Variants in SHISA7 observed in about 807,000 individuals in gnomAD.
SHISA7 encodes the protein protein shisa-7.
In SHISA7, 6 loss-of-function variants were observed where a neutral mutation model predicts 23.9. The observed-to-expected ratio is 0.25, with a 90% confidence interval of 0.14 to 0.50. The LOEUF (loss-of-function observed/expected upper bound fraction) is 0.50. Ranked by LOEUF, SHISA7 falls within the 20% of genes least tolerant of loss-of-function variation. SHISA7 has a pLI of 0.98. For synonymous variants in SHISA7, 386 were observed against 398.3 expected, an observed-to-expected ratio of 0.97 and a Z score of 0.37; for missense variants, 671 against 801.1, an observed-to-expected ratio of 0.84 and a Z score of 1.96.
chr19:55,435,632 C>G (rs1001201568), intron 3 of SHISA7, among the ~76,000 whole-genome samples: 3 of 147,338 alleles, frequency 2.0e-5, no homozygotes, highest in Non-Finnish European at 4.5e-5. Flanking sequence ...AGCATGGTGG[C>G]TCATGCTTAT....
chr19:55,442,652 G>GCGCCCGCCC lies in SHISA7; in HGVS notation c.203_211dup (p.Gly68_Gly70dup), dbSNP rs907758901. ...GGCGGGAGGGGGCGCCCGGGCCGCC[G>GCGCCCGCCC]CGCCCGCCCCGCCCGCGGGGCCGGT... On this transcript the variant is annotated inframe_insertion, in exon 1 of 4. Coordinates refer to ENST00000376325, the MANE Select transcript of SHISA7 (RefSeq NM_001145176.2). The GCGCCCGCCC allele has an allele frequency of 3.1e-5, 41 of 1,309,480 alleles. No homozygotes were observed. The highest frequency in any genetic ancestry group is 7.7e-5 in the East Asian group (2 of 26,004). The allele number at this position is 1,309,480 out of a possible 1,614,324, so 81.1% of individuals were successfully genotyped here.
chr19:55,429,553 G>C lies in SHISA7; in HGVS notation c.*3603C>G, dbSNP rs1985120172. 6.6e-6 allele frequency: 1 copy of C among 152,208 alleles called. No individual in the cohort carries two copies. Among genetic ancestry groups the C allele is most frequent in the Admixed American group, 6.5e-5 (1 of 15,270 alleles). 9.4% of individuals were successfully genotyped at this position (152,208 alleles called of 1,614,324 possible). A position where few individuals can be genotyped will look rare whatever the true frequency, so the allele number is the denominator to read the frequency against. On this transcript the variant is annotated 3_prime_UTR_variant, in exon 4 of 4. Transcript: ENST00000376325. ...GTTGTCTGCCCCAAGCTCCTGACAAGAAGGAGTGTGAGGTGCCAGTGTTTG... is the reference window on the plus strand; with the variant it reads ...GTTGTCTGCCCCAAGCTCCTGACAACAAGGAGTGTGAGGTGCCAGTGTTTG...
At chr19:55,441,058 C>T (rs957964983) in intron 1 of SHISA7, among the ~76,000 whole-genome samples, 3 of 152,170 alleles carry the variant, frequency 2.0e-5, no homozygotes, top group African/African-American at 7.2e-5. Context: ...GGACCCCATT[C>T]CCGTTCCTTT....
At chr19:55,437,446 A>G (rs1985491424) in intron 3 of SHISA7, among the ~76,000 whole-genome samples, 159 bp downstream of exon 3, 1 of 152,184 alleles carries the variant, frequency 6.6e-6, no homozygotes. Flanking sequence ...TGATTCTGAT[A>G]CAAAAGTACC....
chr19:55,434,698 TGTGTGTGGTGTGG>T (rs1599871870), intron 3 of SHISA7, among the ~76,000 whole-genome samples: 1 of 114,592 alleles, frequency 8.7e-6, no homozygotes, highest in Non-Finnish European at 1.8e-5. Flanking sequence ...GTATGGTGCG[TGTGTGTGGTGTGG>T]GTGTGTGGTT....
chr19:55,442,878 G>A lies in SHISA7; in HGVS notation c.-15C>T, dbSNP rs1488390908. 4 of 1,338,150 alleles carry A rather than the reference G, an allele frequency of 3.0e-6. No individual in the cohort carries two copies. Among genetic ancestry groups the A allele is most frequent in the Non-Finnish European group, 3.8e-6 (4 of 1,049,788 alleles). The allele number at this position is 1,338,150 out of a possible 1,614,324, so 82.9% of individuals were successfully genotyped here. On this transcript the variant is annotated 5_prime_UTR_variant, in exon 1 of 4. Transcript: ENST00000376325. ...AGGGCCGGCATGGGGCTTGCAGGGG[G>A]TCGCACTGGGCCGCCAGGCTGCGGG...
At position 55,434,711 on chromosome 19, in the gene SHISA7, GGT is replaced by G. The variant is rs370825765; in HGVS notation, c.977-917_977-916del. ...GTGTATGGTGCGTGTGTGTGGTGTG[GGT>G]GTGTGGTTGTGTGGTGTGTGTGGTG... On this transcript the variant is annotated intron_variant, in intron 3 of 3. Transcript: ENST00000376325. Among the ~76,000 whole-genome samples, 938 of 105,524 alleles carry G rather than the reference GGT, an allele frequency of 8.9e-3. 20 individuals carry two copies. Among genetic ancestry groups the G allele is most frequent in the African/African-American group, 0.031 (815 of 26,342 alleles). The allele number at this position is 105,524 out of a possible 152,430, so 69.2% of individuals were successfully genotyped here.
chr19:55,435,101 TG>T, intron 3 of SHISA7, among the ~76,000 whole-genome samples: 1 of 52,008 alleles, frequency 1.9e-5, no homozygotes, highest in Admixed American at 2.5e-4. Context: ...TGTGTGTGTA[TG>T]GTGTGTGTGT....
chr19:55,439,183 A>G (rs1985537141), intron 2 of SHISA7, among the ~76,000 whole-genome samples: 2 of 152,054 alleles, frequency 1.3e-5, no homozygotes, highest in Admixed American at 6.6e-5. Flanking sequence ...CTGCAGCCCC[A>G]TCTCCCATCC....
chr19:55,433,777 C>G lies in SHISA7; in HGVS notation c.996G>C (p.Glu332Asp). 1.4e-6 allele frequency: 2 copies of G among 1,436,546 alleles called. No homozygotes were observed. The highest frequency in any genetic ancestry group is 2.0e-4 in the Middle Eastern group (1 of 5,016). 89.0% of individuals were successfully genotyped at this position (1,436,546 alleles called of 1,614,324 possible). A position where few individuals can be genotyped will look rare whatever the true frequency, so the allele number is the denominator to read the frequency against. ...LKRLAEKDLD[E>D]AYLKRRPLEL... ...CCAGGGGCCGGCGCTTCAGGTAGGC[C>G]TCGTCCAGATCCTTCTCGGCTGCGG... is the stretch of plus-strand genomic sequence containing the variant. Residue 332 changes from glutamate to aspartate, a missense_variant, in exon 4 of 4, where the codon GAG becomes GAC. Glu to Asp is a conservative substitution (Grantham distance 45). This residue lies in a region of SHISA7 where 457 missense variants were observed against 488.3 expected (regional missense o/e 0.94). Coordinates refer to ENST00000376325, the MANE Select transcript of SHISA7 (RefSeq NM_001145176.2). This position sits in a 1 kb window ranked among gnomAD's most constrained non-coding sequence, Gnocchi z 8.4.
In SHISA7 at chr19:55,442,627, G is replaced by T. The variant is rs542249242; in HGVS notation, c.237C>A (p.Ala79=). 1.1e-4 allele frequency: 155 copies of T among 1,373,076 alleles called. No homozygotes were observed. In the African/African-American group the frequency reaches 2.1e-3, roughly 19 times the overall value. The allele number at this position is 1,373,076 out of a possible 1,614,324, so 85.1% of individuals were successfully genotyped here. A position where few individuals can be genotyped will look rare whatever the true frequency, so the allele number is the denominator to read the frequency against. ...AGAAARAPPP[A]ELCHGYYDVM... is the part of the protein sequence containing the mutation. ...CATCGTAGTAGCCGTGGCAGAGCTC[G>T]GCGGGAGGGGGCGCCCGGGCCGCCG... The change falls in exon 1 of 4, where the codon GCC becomes GCA. Residue 79 remains alanine, a synonymous_variant. Transcript: ENST00000376325.
chr19:55,435,811 A>C (rs1038201666), intron 3 of SHISA7, among the ~76,000 whole-genome samples: 1 of 150,640 alleles, frequency 6.6e-6, no homozygotes, highest in African/African-American at 2.4e-5. Flanking sequence ...TGGAGGGAGG[A>C]TAGATTAACA....
In SHISA7 at chr19:55,440,777, A is replaced by T; in HGVS notation, c.672-12T>A. ...TGTCCACCAGAGCTCTAAAGGTGGC[A>T]GAGAGGTGGTCAAAGGCCTGGGGGC... On this transcript the variant is annotated splice_polypyrimidine_tract_variant and intron_variant, in intron 1 of 3. Coordinates refer to ENST00000376325, the MANE Select transcript of SHISA7 (RefSeq NM_001145176.2). The T allele has an allele frequency of 8.1e-7, 1 of 1,240,212 alleles. No homozygotes were observed. Among genetic ancestry groups the T allele is most frequent in the Non-Finnish European group, 1.0e-6 (1 of 988,162 alleles). 76.8% of individuals were successfully genotyped at this position (1,240,212 alleles called of 1,614,324 possible).
intron 3 of SHISA7, among the ~76,000 whole-genome samples, chr19:55,437,103 C>T (rs958548555): frequency 6.6e-5 from 10 of 152,046 alleles, no homozygotes; most frequent in Non-Finnish European, 1.2e-4. Context: ...GGATTTTTTG[C>T]CGGAATTGTT....
At chr19:55,438,632 G>A (rs1985524832) in intron 2 of SHISA7, 1 of 1,304,246 alleles carries the variant, frequency 7.7e-7, no homozygotes, top group African/African-American at 1.5e-5. Flanking sequence ...ATTATCTGGG[G>A]GGACCGAGAA....
intron 3 of SHISA7, among the ~76,000 whole-genome samples, chr19:55,435,625 A>G (rs971047779): frequency 1.3e-5 from 2 of 148,914 alleles, no homozygotes; most frequent in East Asian, 3.9e-4. Context: ...TTAGCTAAGC[A>G]TGGTGGCTCA....
rs1985119194 is a variant in SHISA7, at chr19:55,429,531, G to C, written c.*3625C>G. On this transcript the variant is annotated 3_prime_UTR_variant, in exon 4 of 4. Transcript: ENST00000376325. ...GTGTGGTGGGAACCAAGGGCCAGTTGTCTGCCCCAAGCTCCTGACAAGAAG... is the reference window on the plus strand; with the variant it reads ...GTGTGGTGGGAACCAAGGGCCAGTTCTCTGCCCCAAGCTCCTGACAAGAAG... 6.6e-6 allele frequency: 1 copy of C among 152,186 alleles called. No individual in the cohort carries two copies. Among genetic ancestry groups the C allele is most frequent in the Non-Finnish European group, 1.5e-5 (1 of 68,092 alleles). 9.4% of individuals were successfully genotyped at this position (152,186 alleles called of 1,614,324 possible). A position where few individuals can be genotyped will look rare whatever the true frequency, so the allele number is the denominator to read the frequency against.
intron 3 of SHISA7, among the ~76,000 whole-genome samples, chr19:55,435,589 C>CAA (rs1160895563): frequency 0.017 from 1,101 of 66,340 alleles, 11 homozygotes; most frequent in Non-Finnish European, 0.019. Flanking sequence ...TCCATCTCTA[C>CAA]AAAAAAAAAA....
chr19:55,440,890 A>G, intron 1 of SHISA7, 125 bp from the exon 2 acceptor site: 1 of 924,068 alleles, frequency 1.1e-6, no homozygotes, highest in Non-Finnish European at 1.4e-6. Flanking sequence ...CTTTTTCGCC[A>G]TTGGCCACGC....
Sources: allele counts gnomAD v4.1 joint callset (sites outside exome capture counted in the v4.1 genomes callset), GRCh38; gene constraint gnomAD v4.1.1; regional missense constraint gnomAD v4.1.1; non-coding constraint Gnocchi (gnomAD v3.1); transcripts MANE v1.5; gene names NCBI Gene and HGNC (gene_info 2026-07-23, HGNC 2026-07-21).